SDK1: variants seen among roughly 807,000 people sequenced by gnomAD.
SDK1 encodes sidekick cell adhesion molecule 1.
In SDK1, 157 loss-of-function variants were observed where a neutral mutation model predicts 245.5. That is an observed-to-expected ratio of 0.64 (90% CI 0.56 to 0.73). The LOEUF is 0.73. Ranked by LOEUF, SDK1 falls within the 30% of genes least tolerant of loss-of-function variation. The pLI, the probability that SDK1 is intolerant of heterozygous loss-of-function variation, is 0.00. For missense variants in SDK1, 3,583 were observed against 3,002.3 expected (o/e 1.19, Z -4.52); for synonymous variants, 1,647 against 1,278.5 (o/e 1.29, Z -6.15).
At chr7:3,607,640 T>C (rs1202233) in intron 1 of SDK1, among the ~76,000 whole-genome samples, 52,277 of 152,150 alleles carry the variant, frequency 0.34, 9,556 homozygotes, top group East Asian at 0.43. Flanking sequence ...TTTCTTTAAA[T>C]TGAACAACTT....
intron 1 of SDK1, among the ~76,000 whole-genome samples, chr7:3,313,450 G>C (rs1175630935): frequency 6.6e-6 from 1 of 152,106 alleles, no homozygotes; most frequent in Non-Finnish European, 1.5e-5. Context: ...CAAAGTTGAT[G>C]ATTAGTAGTT....
intron 4 of SDK1, among the ~76,000 whole-genome samples, chr7:3,649,608 G>A (rs1387610744): frequency 6.6e-6 from 1 of 152,040 alleles, no homozygotes; most frequent in Non-Finnish European, 1.5e-5. Flanking sequence ...TGATTTTTGA[G>A]TGCCAGGCAC....
intron 22 of SDK1, among the ~76,000 whole-genome samples, chr7:4,101,908 C>T (rs561054346): frequency 1.2e-4 from 19 of 152,160 alleles, no homozygotes; most frequent in South Asian, 1.0e-3. Context: ...GGAGGGAGAT[C>T]GAGAGAGCCA....
chr7:3,732,285 C>A (rs912919512), intron 4 of SDK1, among the ~76,000 whole-genome samples: 7 of 152,082 alleles, frequency 4.6e-5, no homozygotes, highest in Non-Finnish European at 8.8e-5. Context: ...GAAACGAATG[C>A]TGGGGTATTT....
At chr7:4,222,922 C>T (rs955510484) in intron 40 of SDK1, among the ~76,000 whole-genome samples, 1 of 151,956 alleles carries the variant, frequency 6.6e-6, no homozygotes, top group Non-Finnish European at 1.5e-5. Context: ...GGTTCTGGGG[C>T]CAAATTGAGG....
At chr7:4,242,968 A>T (rs1383059161) in intron 43 of SDK1, among the ~76,000 whole-genome samples, 1 of 152,178 alleles carries the variant, frequency 6.6e-6, no homozygotes, top group East Asian at 1.9e-4. Flanking sequence ...CCGCCACCCC[A>T]CGAGGCCTTC....
At chr7:3,394,721 T>C (rs1781848355) in intron 1 of SDK1, among the ~76,000 whole-genome samples, 2 of 152,070 alleles carry the variant, frequency 1.3e-5, no homozygotes, top group Non-Finnish European at 2.9e-5. Context: ...ACAGTACAAG[T>C]CTTGTTCTTA....
chr7:3,927,957 G>A (rs1779834823), intron 5 of SDK1, among the ~76,000 whole-genome samples: 1 of 152,186 alleles, frequency 6.6e-6, no homozygotes, highest in African/African-American at 2.4e-5. Flanking sequence ...AGCAGCTGCT[G>A]TGGGTGCTCA....
intron 44 of SDK1, among the ~76,000 whole-genome samples, chr7:4,252,578 T>C (rs1219623743): frequency 1.3e-5 from 2 of 152,232 alleles, no homozygotes; most frequent in Non-Finnish European, 2.9e-5. Context: ...CTGAGCATTT[T>C]TGTATCTATA....
intron 1 of SDK1, among the ~76,000 whole-genome samples, chr7:3,519,565 C>T (rs1375272926): frequency 8.5e-6 from 1 of 117,636 alleles, no homozygotes; most frequent in Non-Finnish European, 1.7e-5. Flanking sequence ...CATGTACTTA[C>T]CTAACTCATT....
chr7:3,944,279 G>C (rs1173315218), intron 5 of SDK1, among the ~76,000 whole-genome samples: 2 of 152,150 alleles, frequency 1.3e-5, no homozygotes, highest in East Asian at 1.9e-4. Context: ...TATCTTACTG[G>C]GTTGTCACTA....
chr7:3,615,405 C>T (rs2060179), intron 1 of SDK1, among the ~76,000 whole-genome samples: 43,951 of 151,352 alleles, frequency 0.29, 7,297 homozygotes, highest in South Asian at 0.44. Flanking sequence ...TACAGCTTAA[C>T]GCATGTCAGT....
chr7:3,731,470 C>T (rs537950714), intron 4 of SDK1, among the ~76,000 whole-genome samples: 26 of 152,302 alleles, frequency 1.7e-4, no homozygotes, highest in African/African-American at 5.1e-4. Flanking sequence ...TGACAGCTTC[C>T]GACGAGTTGC....
chr7:3,739,083 G>A (rs1235945619), intron 4 of SDK1, among the ~76,000 whole-genome samples: 1 of 151,846 alleles, frequency 6.6e-6, no homozygotes, highest in African/African-American at 2.4e-5. Flanking sequence ...ATCCTTGGTT[G>A]ACTGTTTTTA....
At chr7:4,083,797 C>T (rs1036133268) in intron 22 of SDK1, among the ~76,000 whole-genome samples, 1 of 75,184 alleles carries the variant, frequency 1.3e-5, no homozygotes, top group Non-Finnish European at 3.0e-5. Context: ...TTTCCTCTCT[C>T]CCTCCCTTCC....
chr7:4,091,140 A>G (rs752969097), intron 22 of SDK1, among the ~76,000 whole-genome samples: 2 of 152,078 alleles, frequency 1.3e-5, no homozygotes, highest in African/African-American at 4.8e-5. Context: ...TGACTGCACT[A>G]TCTTCTTTCC....
chr7:3,829,184 C>A (rs1779854361), intron 5 of SDK1, among the ~76,000 whole-genome samples: 1 of 152,002 alleles, frequency 6.6e-6, no homozygotes, highest in South Asian at 2.1e-4. Flanking sequence ...TCTTTTTAGT[C>A]CTTCAAATTT....
chr7:3,767,019 T>C (rs569750194), intron 4 of SDK1, among the ~76,000 whole-genome samples: 116 of 152,292 alleles, frequency 7.6e-4, no homozygotes, highest in Non-Finnish European at 1.2e-3. Context: ...GTAATCTTAG[T>C]AGGACAAGCC....
intron 29 of SDK1, among the ~76,000 whole-genome samples, chr7:4,147,123 G>C (rs910131224): frequency 1.3e-5 from 2 of 152,214 alleles, no homozygotes; most frequent in African/African-American, 4.8e-5. Context: ...GGACGGGAGG[G>C]AGCTTGCAGG....
Sources: allele counts gnomAD v4.1 joint callset (sites outside exome capture counted in the v4.1 genomes callset), GRCh38; gene constraint gnomAD v4.1.1; transcripts MANE v1.5; gene names NCBI Gene and HGNC (gene_info 2026-07-23, HGNC 2026-07-21).